EFCAB6: variants seen among roughly 807,000 people sequenced by gnomAD.
EFCAB6 encodes the protein EF-hand calcium-binding domain-containing protein 6.
A neutral mutation model predicts 169.8 loss-of-function variants in EFCAB6; 156 were observed. That is an observed-to-expected ratio of 0.92 (90% CI 0.81 to 1.05). EFCAB6 has a LOEUF of 1.05. Ranked by LOEUF, EFCAB6 falls within the 50% of genes least tolerant of loss-of-function variation. The pLI is 0.00. For synonymous variants in EFCAB6, 698 were observed against 676.4 expected (o/e 1.03, Z -0.50); for missense variants, 1,800 against 1,829.1 (o/e 0.98, Z 0.29).
chr22:43,755,447 A>G (rs556895351), intron 6 of EFCAB6, among the ~76,000 whole-genome samples: 7 of 152,380 alleles, frequency 4.6e-5, no homozygotes, highest in Admixed American at 3.3e-4. Flanking sequence ...CTTTCTAAAG[A>G]AAAACCTACT....
chr22:43,770,692 A>T (rs2061441912), intron 4 of EFCAB6, among the ~76,000 whole-genome samples: 1 of 152,182 alleles, frequency 6.6e-6, no homozygotes, highest in Non-Finnish European at 1.5e-5. Flanking sequence ...TCCAATCTGA[A>T]TGATAGAATA....
At chr22:43,808,557 G>A (rs766801928) in intron 2 of EFCAB6, among the ~76,000 whole-genome samples, 29 of 151,604 alleles carry the variant, frequency 1.9e-4, no homozygotes, top group Non-Finnish European at 4.0e-4. Context: ...TATTCGTGAA[G>A]TGCCTGGCAC....
intron 27 of EFCAB6, chr22:43,553,792 G>A (rs902250467): frequency 6.6e-6 from 1 of 152,440 alleles, no homozygotes; most frequent in African/African-American, 2.4e-5. Flanking sequence ...GGAGCAGGTT[G>A]TCGGAGCCTT....
intron 10 of EFCAB6, among the ~76,000 whole-genome samples, chr22:43,689,547 T>C (rs1245148819): frequency 6.6e-6 from 1 of 151,988 alleles, no homozygotes; most frequent in Non-Finnish European, 1.5e-5. Flanking sequence ...CCAAAACCCA[T>C]CAACAGCGCT....
chr22:43,577,010 C>G lies in EFCAB6; in HGVS notation c.3229-522G>C, dbSNP rs146720193. Among the ~76,000 whole-genome samples, 279 of 152,276 alleles carry G rather than the reference C, an allele frequency of 1.8e-3. 1 individual carries two copies. The highest frequency in any genetic ancestry group is 6.4e-3 in the African/African-American group (268 of 41,552). ...AGGAGGGATCAGGGGACCACCCTGA[C>G]CCCACCCCTGTCCTTCACAACCAGG... is the stretch of plus-strand genomic sequence containing the variant. On this transcript the variant is annotated intron_variant, in intron 25 of 31. Coordinates refer to ENST00000262726, the MANE Select transcript of EFCAB6 (RefSeq NM_022785.4).
rs142719961 is a variant in EFCAB6 at position 43,736,735 on chromosome 22, C to T, written c.508-742G>A. Among the ~76,000 whole-genome samples, 195 of 152,204 alleles carry T rather than the reference C, an allele frequency of 1.3e-3. 2 individuals carry two copies. Among genetic ancestry groups the T allele is most frequent in the Non-Finnish European group, 3.5e-4 (24 of 68,002 alleles). On this transcript the variant is annotated intron_variant, in intron 6 of 31. Coordinates refer to ENST00000262726, the MANE Select transcript of EFCAB6 (RefSeq NM_022785.4). ...CTACTCAAAGAAAAGAAACACAGAG[C>T]TGTGTGATGGAAGCCTTTCAACCCC...
chr22:43,728,470 C>G (rs2059817238), intron 8 of EFCAB6, among the ~76,000 whole-genome samples: 2 of 152,090 alleles, frequency 1.3e-5, no homozygotes, highest in Admixed American at 6.6e-5. Context: ...GGTTTTAGAT[C>G]CTTGAGAAAT....
rs1044143931 is a variant in EFCAB6 at position 43,628,864 on chromosome 22, G to A, written c.2233-2185C>T. On this transcript the variant is annotated intron_variant, in intron 19 of 31. Transcript: ENST00000262726. The surrounding 1 kb of genome is among the most constrained non-coding windows in gnomAD (Gnocchi z 4.8). The stretch of plus-strand genomic sequence containing the variant: ...TCTGTGTCCACTGCACTTCCCCCTA[G>A]AACATAAGCATGAGTCTGGGCTCTG... Among the ~76,000 whole-genome samples the A allele has an allele frequency of 1.3e-5, 2 of 152,160 alleles. No individual in the cohort carries two copies. The highest frequency in any genetic ancestry group is 2.4e-5 in the African/African-American group (1 of 41,448).
At chr22:43,663,805 G>T (rs2057117339) in intron 17 of EFCAB6, among the ~76,000 whole-genome samples, 1 of 152,204 alleles carries the variant, frequency 6.6e-6, no homozygotes, top group African/African-American at 2.4e-5. Flanking sequence ...GCCGTGAGAA[G>T]TCTACAGTGT....
chr22:43,698,327 A>C (rs2058649015), intron 10 of EFCAB6, among the ~76,000 whole-genome samples: 1 of 152,158 alleles, frequency 6.6e-6, no homozygotes, highest in Non-Finnish European at 1.5e-5. Flanking sequence ...CAAGAGTAAA[A>C]TTCAAGATTT....
At position 43,565,084 on chromosome 22, in the gene EFCAB6, G is replaced by A. The variant is rs973156863; in HGVS notation, c.3421-9988C>T. On this transcript the variant is annotated intron_variant, in intron 26 of 31. Transcript: ENST00000262726. Reference sequence around the variant, plus strand: ...TCCCCGCCCCTTGGCTTTGGATTCCGCCATATGTCATGCTTTGGCCAGTGG... The same window carrying A: ...TCCCCGCCCCTTGGCTTTGGATTCCACCATATGTCATGCTTTGGCCAGTGG... Among the ~76,000 whole-genome samples, 14 of 152,294 alleles carry A rather than the reference G, an allele frequency of 9.2e-5. 1 individual carries two copies. Among genetic ancestry groups the A allele is most frequent in the South Asian group, 2.1e-4 (1 of 4,820 alleles).
chr22:43,765,110 A>G (rs1465568172), intron 5 of EFCAB6, among the ~76,000 whole-genome samples, 195 bp downstream of exon 5: 1 of 152,180 alleles, frequency 6.6e-6, no homozygotes, highest in Non-Finnish European at 1.5e-5. Context: ...TTTGAAATAC[A>G]TCCTATATAG....
At position 43,773,095 on chromosome 22, in the gene EFCAB6, C is replaced by G. The variant is rs2061529939; in HGVS notation, c.148G>C (p.Val50Leu). The G allele has an allele frequency of 6.2e-7, 1 of 1,614,174 alleles. No individual in the cohort carries two copies. Among genetic ancestry groups the G allele is most frequent in the Non-Finnish European group, 8.5e-7 (1 of 1,180,014 alleles). The change falls in exon 4 of 32, where the codon GTT becomes CTT. Residue 50 changes from valine to leucine, a missense_variant. Coordinates refer to ENST00000262726, the MANE Select transcript of EFCAB6 (RefSeq NM_022785.4). ...NKFRSSSTTAVANPTLSSLDV... is the reference protein window; with the variant it reads ...NKFRSSSTTALANPTLSSLDV... ...AAGGAGGACAGTGTTGGATTTGCAA[C>G]AGCTGTGGCTATAAAAGAGATACAG...
chr22:43,788,928 C>A (rs1350586743), intron 2 of EFCAB6, among the ~76,000 whole-genome samples: 3 of 152,198 alleles, frequency 2.0e-5, no homozygotes, highest in African/African-American at 7.2e-5. Flanking sequence ...CAGATTCATG[C>A]AGTAACATGG....
intron 17 of EFCAB6, among the ~76,000 whole-genome samples, chr22:43,645,219 C>T (rs1242907507): frequency 1.3e-5 from 2 of 152,238 alleles, no homozygotes; most frequent in African/African-American, 2.4e-5. Context: ...ACTTACACCT[C>T]CTGCCTTTGT....
rs986012493 is a variant in EFCAB6 at position 43,572,679 on chromosome 22, G to A, written c.3420+3618C>T. Among the ~76,000 whole-genome samples the A allele has an allele frequency of 5.3e-5, 8 of 151,984 alleles. No individual in the cohort carries two copies. The highest frequency in any genetic ancestry group is 1.9e-4 in the African/African-American group (8 of 41,368). ...CTGCTCACTCCCTCCCCTCCTCGTC[G>A]CTCGGATGTCACCCCTCGACAGGCC... On this transcript the variant is annotated intron_variant, in intron 26 of 31. Transcript: ENST00000262726. This position sits in a 1 kb window ranked among gnomAD's most constrained non-coding sequence, Gnocchi z 4.0.
chr22:43,755,950 A>G lies in EFCAB6; in HGVS notation c.441-118T>C. The G allele has an allele frequency of 5.0e-6, 5 of 1,006,562 alleles. No homozygotes were observed. In the Admixed American group the frequency reaches 9.9e-5, roughly 20 times the overall value. 62.4% of individuals were successfully genotyped at this position (1,006,562 alleles called of 1,614,324 possible). On this transcript the variant is annotated intron_variant, in intron 5 of 31. Transcript: ENST00000262726. ...AATAATCTATTTTAAAATGCAAGGT[A>G]TTTCTTACAAGCTACTGTCTGCAGG...
intron 10 of EFCAB6, among the ~76,000 whole-genome samples, chr22:43,708,983 G>A (rs759344576): frequency 4.6e-5 from 7 of 152,042 alleles, no homozygotes; most frequent in South Asian, 2.1e-4. Context: ...CTCAGCCCTG[G>A]CCACCCTCAA....
At position 43,703,365 on chromosome 22, in the gene EFCAB6, C is replaced by T. The variant is rs574067155; in HGVS notation, c.1031+8110G>A. ...TAGACTGAATAATGAATATCTATTTCTGCCAAAGAACACCTGTAAAAGCCA... is the reference window on the plus strand; with the variant it reads ...TAGACTGAATAATGAATATCTATTTTTGCCAAAGAACACCTGTAAAAGCCA... On this transcript the variant is annotated intron_variant, in intron 10 of 31. Coordinates refer to ENST00000262726, the MANE Select transcript of EFCAB6 (RefSeq NM_022785.4). Among the ~76,000 whole-genome samples, 36 of 152,312 alleles carry T rather than the reference C, an allele frequency of 2.4e-4. 1 individual carries two copies. The South Asian group carries it at 7.5e-3, about 32-fold the overall frequency.
Sources: gnomAD v4.1 joint callset for allele counts (sites outside exome capture counted in the v4.1 genomes callset) on GRCh38, gnomAD v4.1.1 for gene constraint, Gnocchi (gnomAD v3.1) non-coding constraint, MANE v1.5 for transcripts, NCBI Gene and HGNC (gene_info 2026-07-23, HGNC 2026-07-21) for gene names.